CADM2: variants seen among roughly 807,000 people sequenced by gnomAD.
CADM2 encodes cell adhesion molecule 2.
A neutral mutation model predicts 49.8 loss-of-function variants in CADM2; 12 were observed. The observed-to-expected ratio is 0.24, with a 90% CI of 0.15 to 0.39. CADM2 has a LOEUF of 0.39. CADM2 is among the 10% of genes least tolerant of loss of function. CADM2 has a pLI of 1.00. For missense variants in CADM2, 378 were observed against 492.3 expected (o/e 0.77, Z 2.20); for synonymous variants, 214 against 175.4 (o/e 1.22, Z -1.74).
chr3:85,103,796 T>A (rs903742490), intron 1 of CADM2, among the ~76,000 whole-genome samples: 1 of 152,070 alleles, frequency 6.6e-6, no homozygotes, highest in African/African-American at 2.4e-5. Flanking sequence ...GTACTTGAAT[T>A]AGATTGGTGG....
chr3:85,442,637 T>C lies in CADM2; in HGVS notation c.62-283885T>C, dbSNP rs1341933436. On this transcript the variant is annotated intron_variant, in intron 1 of 9. Transcript: ENST00000383699. ...ATATATATATATATATATATATGAATATTGCCATCAGCTAAGAGGCCAGAT... is the reference window on the plus strand; with the variant it reads ...ATATATATATATATATATATATGAACATTGCCATCAGCTAAGAGGCCAGAT... Among the ~76,000 whole-genome samples the C allele has an allele frequency of 1.2e-4, 17 of 141,426 alleles. No individual in the cohort carries two copies. The East Asian group carries it at 3.5e-3, about 29-fold the overall frequency. The allele number at this position is 141,426 out of a possible 152,430, so 92.8% of individuals were successfully genotyped here.
chr3:86,072,285 CA>C lies in CADM2; in HGVS notation c.*5503del, dbSNP rs1230938604. ...GGTTGATCTTCACATATTTTATATG[CA>C]TATATATATCAAGAAGTTATATATA... On this transcript the variant is annotated 3_prime_UTR_variant, in exon 10 of 10. Transcript: ENST00000383699. 6.7e-6 allele frequency: 1 copy of C among 150,312 alleles called. No homozygotes were observed. The highest frequency in any genetic ancestry group is 1.5e-5 in the Non-Finnish European group (1 of 67,640). 9.3% of individuals were successfully genotyped at this position (150,312 alleles called of 1,614,324 possible).
chr3:85,838,335 T>A (rs1428055719), intron 3 of CADM2, among the ~76,000 whole-genome samples: 1 of 151,752 alleles, frequency 6.6e-6, no homozygotes, highest in African/African-American at 2.4e-5. Flanking sequence ...TACTCAAACA[T>A]CATGACCAAT....
At chr3:85,678,907 C>G (rs2065960977) in intron 1 of CADM2, among the ~76,000 whole-genome samples, 1 of 152,028 alleles carries the variant, frequency 6.6e-6, no homozygotes, top group Non-Finnish European at 1.5e-5. Context: ...AGATAGATAT[C>G]AGGAATGCTG....
chr3:86,027,466 C>T (rs1734034383), intron 8 of CADM2, among the ~76,000 whole-genome samples: 1 of 152,094 alleles, frequency 6.6e-6, no homozygotes, highest in Admixed American at 6.6e-5. Flanking sequence ...TTAGGACACA[C>T]CTTTTTAATG....
At chr3:85,934,151 T>C (rs974667055) in intron 6 of CADM2, among the ~76,000 whole-genome samples, 1 of 152,122 alleles carries the variant, frequency 6.6e-6, no homozygotes, top group African/African-American at 2.4e-5. Flanking sequence ...CCATGAAAAC[T>C]AAACTCTTCT....
rs183016908 is a variant in CADM2 at position 85,844,775 on chromosome 3, T to C, written c.239-38516T>C. On this transcript the variant is annotated intron_variant, in intron 3 of 9. Transcript: ENST00000383699. ...TAACGAGTGTACACACACACACATA[T>C]TGCATTCGGAGCAGTCAGGTCATCT... Among the ~76,000 whole-genome samples the C allele has an allele frequency of 2.7e-4, 41 of 152,228 alleles. No homozygotes were observed. In the East Asian group the frequency reaches 7.5e-3, roughly 28 times the overall value.
chr3:86,029,647 A>T (rs763823338), intron 8 of CADM2, among the ~76,000 whole-genome samples: 4 of 151,998 alleles, frequency 2.6e-5, no homozygotes, highest in Non-Finnish European at 5.9e-5. Context: ...TAAGAAGATA[A>T]GTGACTTACT....
chr3:85,963,951 C>G (rs991550754), intron 8 of CADM2, among the ~76,000 whole-genome samples: 1 of 151,870 alleles, frequency 6.6e-6, no homozygotes, highest in African/African-American at 2.4e-5. Flanking sequence ...ATTATTGACA[C>G]AAGTAATGAG....
intron 8 of CADM2, among the ~76,000 whole-genome samples, chr3:86,043,696 A>G (rs1736254301): frequency 2.6e-5 from 4 of 152,222 alleles, no homozygotes; most frequent in African/African-American, 9.6e-5. Flanking sequence ...TCTTCACAGA[A>G]TTGGAAAAAA....
chr3:85,575,546 G>T (rs893536302), intron 1 of CADM2, among the ~76,000 whole-genome samples: 1 of 152,036 alleles, frequency 6.6e-6, no homozygotes, highest in Non-Finnish European at 1.5e-5. Flanking sequence ...GCGAGACTCC[G>T]TCTCAAAAAC....
chr3:85,096,945 A>G (rs896949088), intron 1 of CADM2, among the ~76,000 whole-genome samples: 1 of 152,114 alleles, frequency 6.6e-6, no homozygotes, highest in Non-Finnish European at 1.5e-5. Flanking sequence ...GATAGGAAAG[A>G]TGTTGGAAAT....
At chr3:84,976,378 C>T (rs1279825532) in intron 1 of CADM2, among the ~76,000 whole-genome samples, 2 of 151,226 alleles carry the variant, frequency 1.3e-5, no homozygotes, top group Non-Finnish European at 3.0e-5. Context: ...CAGACCAATA[C>T]CTATTTTTCA....
intron 3 of CADM2, among the ~76,000 whole-genome samples, chr3:85,879,140 G>A (rs1559717488): frequency 6.6e-6 from 1 of 151,568 alleles, no homozygotes; most frequent in Non-Finnish European, 1.5e-5. Flanking sequence ...GGTTGATATA[G>A]CATGAGTTCC....
intron 1 of CADM2, among the ~76,000 whole-genome samples, chr3:85,685,932 T>G (rs1204668449): frequency 1.3e-5 from 2 of 152,182 alleles, no homozygotes; most frequent in African/African-American, 4.8e-5. Flanking sequence ...CCTTTATTTC[T>G]TACTGATAGA....
intron 1 of CADM2, among the ~76,000 whole-genome samples, chr3:85,375,997 G>A (rs2033572854): frequency 6.6e-6 from 1 of 152,046 alleles, no homozygotes; most frequent in Non-Finnish European, 1.5e-5. Context: ...CAGTTTTTAT[G>A]CTAAGCATTT....
At chr3:85,016,697 G>T (rs1228067249) in intron 1 of CADM2, among the ~76,000 whole-genome samples, 6 of 152,020 alleles carry the variant, frequency 3.9e-5, no homozygotes, top group African/African-American at 1.5e-4. Context: ...GGACGCTGAG[G>T]CAGGAGAATC....
At chr3:85,297,025 A>G (rs960221909) in intron 1 of CADM2, among the ~76,000 whole-genome samples, 3 of 152,034 alleles carry the variant, frequency 2.0e-5, no homozygotes, top group Non-Finnish European at 2.9e-5. Context: ...ATCCCCTCAC[A>G]GGATGCTGCA....
chr3:85,327,666 A>G (rs904136187), intron 1 of CADM2, among the ~76,000 whole-genome samples: 2 of 152,052 alleles, frequency 1.3e-5, no homozygotes, highest in African/African-American at 4.8e-5. Context: ...TATAGGCTAA[A>G]TTTAAATACA....
Sources: allele counts gnomAD v4.1 joint callset (sites outside exome capture counted in the v4.1 genomes callset), GRCh38; gene constraint gnomAD v4.1.1; transcripts MANE v1.5; gene names NCBI Gene and HGNC (gene_info 2026-07-23, HGNC 2026-07-21).